The following PRMT1 variants were observed in gnomAD, a reference collection of about 807,000 sequenced individuals.
PRMT1 encodes the protein protein arginine methyltransferase 1.
PRMT1 carries 5 observed loss-of-function variants against 47.4 expected under a neutral mutation model. The ratio of observed to expected loss-of-function variants is 0.11; its 90% CI spans 0.06 to 0.22. PRMT1 has a LOEUF of 0.22. Among genes scored for constraint, PRMT1 ranks in the 10% least tolerant of loss-of-function variants. The pLI, the probability that PRMT1 is intolerant of heterozygous loss-of-function variation, is 1.00. For missense variants in PRMT1, 249 were observed against 518.4 expected, an observed-to-expected ratio of 0.48 and a Z score of 5.05; for synonymous variants, 227 against 204.6, an observed-to-expected ratio of 1.11 and a Z score of -0.94.
chr19:49,686,914 A>G (rs2082216310), intron 10 of PRMT1, among the ~76,000 whole-genome samples, 188 bp downstream of exon 10: 1 of 152,010 alleles, frequency 6.6e-6, no homozygotes, highest in South Asian at 2.1e-4. Context: ...CCTCAGCCCC[A>G]TGCCTGTCTA....
chr19:49,679,735 C>A, intron 1 of PRMT1, 137 bp from the exon 2 acceptor site: 1 of 687,666 alleles, frequency 1.5e-6, no homozygotes, highest in South Asian at 1.6e-5. Flanking sequence ...TCATTACTTG[C>A]CCCCTTCGCC....
At chr19:49,687,415 G>A (rs1004430352) in intron 10 of PRMT1, among the ~76,000 whole-genome samples, 3 of 151,984 alleles carry the variant, frequency 2.0e-5, no homozygotes, top group African/African-American at 7.3e-5. Flanking sequence ...AGGGTGGGTG[G>A]CACTCAGGGT....
chr19:49,685,044 G>A lies in PRMT1; in HGVS notation c.759+7G>A, dbSNP rs371905610. ...CAACGCCTGCCTCATAAAGGTGAGG[G>A]GGTGGGCATGGCCAGGTGCCCCCTG... is the stretch of plus-strand genomic sequence containing the variant. On this transcript the variant is annotated splice_region_variant and intron_variant, in intron 8 of 10. Coordinates refer to ENST00000454376, the MANE Select transcript of PRMT1 (RefSeq NM_001536.6). The surrounding 1 kb of genome is among the most constrained non-coding windows in gnomAD (Gnocchi z 4.7). The A allele has an allele frequency of 6.2e-7, 1 of 1,614,158 alleles. No homozygotes were observed.
chr19:49,679,239 T>TG (rs2082080264), intron 1 of PRMT1, among the ~76,000 whole-genome samples: 2 of 152,124 alleles, frequency 1.3e-5, no homozygotes, highest in Non-Finnish European at 2.9e-5. Flanking sequence ...CCATCTTCCC[T>TG]GGGACCCTAC....
rs765975404 is a variant in PRMT1 at position 49,680,188 on chromosome 19, TC to T, written c.90+267del. 3.2e-6 allele frequency: 5 copies of T among 1,576,878 alleles called. No individual in the cohort carries two copies. The South Asian group carries it at 5.7e-5, about 18-fold the overall frequency. On this transcript the variant is annotated intron_variant, in intron 2 of 10. Transcript: ENST00000454376. This position sits in a 1 kb window ranked among gnomAD's most constrained non-coding sequence, Gnocchi z 4.2. Reference sequence around the variant, plus strand: ...TGCCCCCATTTTCCTTCCCCTCCCCTCCCCAGCTGTGGGCTGAGCTAGAGAC... The same window carrying T: ...TGCCCCCATTTTCCTTCCCCTCCCCTCCCAGCTGTGGGCTGAGCTAGAGAC...
intron 1 of PRMT1, chr19:49,678,273 G>A (rs1352875553): frequency 1.3e-5 from 2 of 152,280 alleles, no homozygotes; most frequent in East Asian, 3.9e-4. Flanking sequence ...CTTTGTGAGG[G>A]TGCGAGATGA....
Position 49,685,355 on chromosome 19 carries a change from C to T in PRMT1, c.759+318C>T. The T allele has an allele frequency of 7.8e-7, 1 of 1,287,822 alleles. No individual in the cohort carries two copies. Among genetic ancestry groups the T allele is most frequent in the Non-Finnish European group, 9.9e-7 (1 of 1,005,860 alleles). 79.8% of individuals were successfully genotyped at this position (1,287,822 alleles called of 1,614,324 possible). On this transcript the variant is annotated intron_variant, in intron 8 of 10. Coordinates refer to ENST00000454376, the MANE Select transcript of PRMT1 (RefSeq NM_001536.6). This position sits in a 1 kb window ranked among gnomAD's most constrained non-coding sequence, Gnocchi z 4.7. ...TGAGCGGATGCACATGCACGCGGGC[C>T]ACTGCAGAAGAGCACGGGGCCAGGC...
intron 10 of PRMT1, 46 bp downstream of exon 10, chr19:49,686,772 G>T: frequency 8.4e-7 from 1 of 1,192,722 alleles, no homozygotes. Context: ...CTAGGGCGGG[G>T]AGTGTAGATT....
In PRMT1 at chr19:49,685,780, T is replaced by C. The variant is rs960380087; in HGVS notation, c.760-313T>C. The C allele has an allele frequency of 2.1e-5, 24 of 1,165,402 alleles. No individual in the cohort carries two copies. The highest frequency in any genetic ancestry group is 8.8e-5 in the Admixed American group (2 of 22,696). 72.2% of individuals were successfully genotyped at this position (1,165,402 alleles called of 1,614,324 possible). On this transcript the variant is annotated intron_variant, in intron 8 of 10. Transcript: ENST00000454376. The surrounding 1 kb of genome is among the most constrained non-coding windows in gnomAD (Gnocchi z 4.7). Reference sequence around the variant, plus strand: ...TTTGAAGCCATCATGTTGTTGGACTTGTCAAGGGGTTGGGGAGACAGTGGA... The same window carrying C: ...TTTGAAGCCATCATGTTGTTGGACTCGTCAAGGGGTTGGGGAGACAGTGGA...
rs373083320 is a variant in PRMT1, at chr19:49,686,591, G to C, written c.911-14G>C. Reference sequence around the variant, plus strand: ...GCAGCAGGCCGAGGCCGGCTGACCCGCCCGCGCCCCCAGGCCCCGAGTCCC... The same window carrying C: ...GCAGCAGGCCGAGGCCGGCTGACCCCCCCGCGCCCCCAGGCCCCGAGTCCC... On this transcript the variant is annotated splice_polypyrimidine_tract_variant and intron_variant, in intron 9 of 10. Coordinates refer to ENST00000454376, the MANE Select transcript of PRMT1 (RefSeq NM_001536.6). 6.2e-7 allele frequency: 1 copy of C among 1,607,426 alleles called. No homozygotes were observed. Among genetic ancestry groups the C allele is most frequent in the Non-Finnish European group, 8.5e-7 (1 of 1,177,696 alleles).
At position 49,680,404 on chromosome 19, in the gene PRMT1, C is replaced by T; in HGVS notation, c.91-83C>T. The T allele has an allele frequency of 1.6e-6, 2 of 1,255,334 alleles. No homozygotes were observed. The highest frequency in any genetic ancestry group is 2.3e-6 in the Non-Finnish European group (2 of 858,322). 77.8% of individuals were successfully genotyped at this position (1,255,334 alleles called of 1,614,324 possible). A position where few individuals can be genotyped will look rare whatever the true frequency, so the allele number is the denominator to read the frequency against. On this transcript the variant is annotated intron_variant, in intron 2 of 10. Coordinates refer to ENST00000454376, the MANE Select transcript of PRMT1 (RefSeq NM_001536.6). The surrounding 1 kb of genome is among the most constrained non-coding windows in gnomAD (Gnocchi z 4.2). ...ATTTTGGGGGTTCTATACTACTCTTCAGGGAAAAGTAGGGCGCTGGAGGTT... is the reference window on the plus strand; with the variant it reads ...ATTTTGGGGGTTCTATACTACTCTTTAGGGAAAAGTAGGGCGCTGGAGGTT...
rs780166904 is a variant in PRMT1, at chr19:49,684,112, T to C, written c.555+43T>C. 3.7e-6 allele frequency: 6 copies of C among 1,608,728 alleles called. No homozygotes were observed. In the East Asian group the frequency reaches 6.7e-5, roughly 18 times the overall value. On this transcript the variant is annotated intron_variant, in intron 6 of 10. Coordinates refer to ENST00000454376, the MANE Select transcript of PRMT1 (RefSeq NM_001536.6). The surrounding 1 kb of genome is among the most constrained non-coding windows in gnomAD (Gnocchi z 6.2). Reference sequence around the variant, plus strand: ...CGGGTGCAGCTCGCGTGGGCTGGGGTCCAGGTAGAAGACGAAAACCACGCT... The same window carrying C: ...CGGGTGCAGCTCGCGTGGGCTGGGGCCCAGGTAGAAGACGAAAACCACGCT...
In PRMT1 at chr19:49,683,908, C is replaced by T. The variant is rs777351282; in HGVS notation, c.413-19C>T. ...CAGGCCTCCCGGGGGCTGACGTGGC[C>T]ACCCTTGTCCGCCCGCAGTGGTGAC... On this transcript the variant is annotated intron_variant, in intron 5 of 10. Coordinates refer to ENST00000454376, the MANE Select transcript of PRMT1 (RefSeq NM_001536.6). The T allele has an allele frequency of 6.2e-7, 1 of 1,608,860 alleles. No individual in the cohort carries two copies. Among genetic ancestry groups the T allele is most frequent in the Non-Finnish European group, 8.5e-7 (1 of 1,177,590 alleles).
chr19:49,683,788 A>G, intron 5 of PRMT1, 139 bp from the exon 6 acceptor site: 1 of 945,056 alleles, frequency 1.1e-6, no homozygotes, highest in Non-Finnish European at 1.6e-6. Flanking sequence ...TGAATTTTAA[A>G]ACTGTTAGAA....
intron 4 of PRMT1, 36 bp downstream of exon 4, chr19:49,682,101 G>C: frequency 1.2e-6 from 2 of 1,613,800 alleles, no homozygotes; most frequent in Non-Finnish European, 8.5e-7. Context: ...GGCCGGGCCT[G>C]AGGGATGGAG....
chr19:49,680,327 G>A lies in PRMT1; in HGVS notation c.91-160G>A, dbSNP rs1040872139. Reference sequence around the variant, plus strand: ...GAAAATGGGGTTGTTAGGTTTTGGGGTTCCTGGGGGGGCAAGATGGCAGGC... The same window carrying A: ...GAAAATGGGGTTGTTAGGTTTTGGGATTCCTGGGGGGGCAAGATGGCAGGC... On this transcript the variant is annotated intron_variant, in intron 2 of 10. Coordinates refer to ENST00000454376, the MANE Select transcript of PRMT1 (RefSeq NM_001536.6). This position sits in a 1 kb window ranked among gnomAD's most constrained non-coding sequence, Gnocchi z 4.2. 61 of 1,167,196 alleles carry A rather than the reference G, an allele frequency of 5.2e-5. No individual in the cohort carries two copies. The East Asian group carries it at 1.5e-3, about 28-fold the overall frequency. The allele number at this position is 1,167,196 out of a possible 1,614,324, so 72.3% of individuals were successfully genotyped here.
Position 49,688,380 on chromosome 19 carries a change from C to A in PRMT1, c.*135C>A, listed in dbSNP as rs1014838586. ...GGCTGGGGGGATGGGGAGGGCACAT[C>A]GTGACTGTGTTTTTCATAACTTATG... On this transcript the variant is annotated 3_prime_UTR_variant, in exon 11 of 11. Coordinates refer to ENST00000454376, the MANE Select transcript of PRMT1 (RefSeq NM_001536.6). The surrounding 1 kb of genome is among the most constrained non-coding windows in gnomAD (Gnocchi z 5.3). The A allele has an allele frequency of 5.3e-6, 4 of 751,444 alleles. No individual in the cohort carries two copies. Among genetic ancestry groups the A allele is most frequent in the African/African-American group, 1.8e-5 (1 of 57,044 alleles). 46.5% of individuals were successfully genotyped at this position (751,444 alleles called of 1,614,324 possible).
intron 8 of PRMT1, 86 bp from the exon 9 acceptor site, chr19:49,686,007 C>T (rs904295807): frequency 6.5e-7 from 1 of 1,540,308 alleles, no homozygotes; most frequent in African/African-American, 1.4e-5. Context: ...AGCGAGGTCA[C>T]AGGCCCTCTG....
Position 49,681,704 on chromosome 19 carries a change from C to G in PRMT1, c.193-206C>G, listed in dbSNP as rs527661952. ...AGTGAGCTGAGATTGCACCATTGCACTCCAGCCTGGGCAACAGAGTGAGAT... is the reference window on the plus strand; with the variant it reads ...AGTGAGCTGAGATTGCACCATTGCAGTCCAGCCTGGGCAACAGAGTGAGAT... On this transcript the variant is annotated intron_variant, in intron 3 of 10. Coordinates refer to ENST00000454376, the MANE Select transcript of PRMT1 (RefSeq NM_001536.6). This position sits in a 1 kb window ranked among gnomAD's most constrained non-coding sequence, Gnocchi z 4.4. 3.3e-5 allele frequency among the ~76,000 whole-genome samples: 5 copies of G among 151,874 alleles called. No individual in the cohort carries two copies. In the East Asian group the frequency reaches 9.7e-4, roughly 29 times the overall value.
Sources: allele counts gnomAD v4.1 joint callset (sites outside exome capture counted in the v4.1 genomes callset), GRCh38; gene constraint gnomAD v4.1.1; non-coding constraint Gnocchi (gnomAD v3.1); transcripts MANE v1.5; gene names NCBI Gene and HGNC (gene_info 2026-07-23, HGNC 2026-07-21).